CRIM1: variants seen among roughly 807,000 people sequenced by gnomAD.
CRIM1 encodes cysteine-rich motor neuron 1 protein.
CRIM1 carries 32 observed loss-of-function variants against 116.4 expected under a neutral mutation model. The ratio of observed to expected loss-of-function variants is 0.27; its 90% confidence interval spans 0.21 to 0.37. The LOEUF (loss-of-function observed/expected upper bound fraction) is 0.37. Among genes scored for constraint, CRIM1 ranks in the 10% least tolerant of loss-of-function variants. The pLI is 1.00. For missense variants in CRIM1, 1,331 were observed against 1,354.8 expected (o/e 0.98, Z 0.28); for synonymous variants, 590 against 509.2 (o/e 1.16, Z -2.13).
intron 15 of CRIM1, among the ~76,000 whole-genome samples, chr2:36,546,361 A>T (rs1460392427): frequency 6.6e-6 from 1 of 152,166 alleles, no homozygotes; most frequent in East Asian, 1.9e-4. Flanking sequence ...AAATGTAGTC[A>T]CCTATGCGAT....
intron 2 of CRIM1, among the ~76,000 whole-genome samples, chr2:36,420,641 G>T (rs1673984215): frequency 6.6e-6 from 1 of 151,584 alleles, no homozygotes; most frequent in Non-Finnish European, 1.5e-5. Flanking sequence ...AAGTTCAGGA[G>T]GTCTTCATCC....
At chr2:36,486,615 G>T (rs370914655) in intron 7 of CRIM1, among the ~76,000 whole-genome samples, 1 of 152,064 alleles carries the variant, frequency 6.6e-6, no homozygotes, top group Non-Finnish European at 1.5e-5. Context: ...TTGAAGTGGC[G>T]TGCAAGGGGG....
chr2:36,525,562 TC>T (rs1365016850), intron 13 of CRIM1, among the ~76,000 whole-genome samples: 1 of 152,204 alleles, frequency 6.6e-6, no homozygotes, highest in Non-Finnish European at 1.5e-5. Flanking sequence ...CAATTGTTTT[TC>T]CAGTGGGCAC....
chr2:36,446,491 G>T (rs758849181), intron 4 of CRIM1, among the ~76,000 whole-genome samples: 1 of 152,128 alleles, frequency 6.6e-6, no homozygotes, highest in Non-Finnish European at 1.5e-5. Context: ...GTGAGTATAG[G>T]CTCTTCCTTA....
intron 5 of CRIM1, among the ~76,000 whole-genome samples, chr2:36,467,784 A>T (rs914949246): frequency 6.6e-6 from 1 of 152,216 alleles, no homozygotes; most frequent in Admixed American, 6.5e-5. Context: ...CTGGCCATCA[A>T]AGTGAAAAAG....
At chr2:36,522,545 C>T (rs1031358699) in intron 13 of CRIM1, among the ~76,000 whole-genome samples, 1 of 152,004 alleles carries the variant, frequency 6.6e-6, no homozygotes, top group Admixed American at 6.6e-5. Flanking sequence ...CTCACGCCTG[C>T]AATCCCAGCA....
chr2:36,434,816 CCTTT>C (rs1019742841), intron 2 of CRIM1, among the ~76,000 whole-genome samples: 2 of 152,030 alleles, frequency 1.3e-5, no homozygotes, highest in African/African-American at 4.8e-5. Flanking sequence ...AAGAGTAGGC[CCTTT>C]CTTCTTGCTT....
At chr2:36,438,971 A>T (rs1675557954) in intron 2 of CRIM1, among the ~76,000 whole-genome samples, 1 of 152,240 alleles carries the variant, frequency 6.6e-6, no homozygotes, top group African/African-American at 2.4e-5. Context: ...AGCACATGGC[A>T]TGTGTGTTAA....
chr2:36,419,424 T>C (rs1033275924), intron 2 of CRIM1, among the ~76,000 whole-genome samples: 1 of 152,234 alleles, frequency 6.6e-6, no homozygotes, highest in Non-Finnish European at 1.5e-5. Flanking sequence ...TTTGCATCAT[T>C]AACAAGAGCA....
intron 13 of CRIM1, among the ~76,000 whole-genome samples, chr2:36,525,542 T>G (rs558242649): frequency 6.6e-6 from 1 of 152,340 alleles, no homozygotes; most frequent in East Asian, 1.9e-4. Flanking sequence ...GCGGCATGTC[T>G]TAAAGCACCC....
rs72863613 is a variant in CRIM1, at chr2:36,373,947, A to G, written c.331+17324A>G. Among the ~76,000 whole-genome samples the G allele has an allele frequency of 4.8e-3, 738 of 152,248 alleles. 9 individuals are homozygous for G. The highest frequency in any genetic ancestry group is 0.019 in the East Asian group (96 of 5,174). On this transcript the variant is annotated intron_variant, in intron 1 of 16. Coordinates refer to ENST00000280527, the MANE Select transcript of CRIM1 (RefSeq NM_016441.3). Reference sequence around the variant, plus strand: ...AAAAAAAAATCTGCCTCTGGCCATCATTCGTTAATTTACATAGATTAGATA... The same window carrying G: ...AAAAAAAAATCTGCCTCTGGCCATCGTTCGTTAATTTACATAGATTAGATA...
intron 5 of CRIM1, among the ~76,000 whole-genome samples, chr2:36,473,451 ACAATCAGTTT>A (rs1262863452): frequency 6.6e-6 from 1 of 152,162 alleles, no homozygotes; most frequent in Non-Finnish European, 1.5e-5. Context: ...AATCATCAAC[ACAATCAGTTT>A]CAGAACATTT....
chr2:36,510,986 C>T (rs1402898591), intron 9 of CRIM1, among the ~76,000 whole-genome samples: 1 of 148,396 alleles, frequency 6.7e-6, no homozygotes, highest in Non-Finnish European at 1.5e-5. Flanking sequence ...AGTGCAGTGG[C>T]ACAAGCATGG....
At chr2:36,365,736 GT>G (rs756853852) in intron 1 of CRIM1, among the ~76,000 whole-genome samples, 130 of 137,606 alleles carry the variant, frequency 9.4e-4, no homozygotes, top group African/African-American at 1.4e-3. Context: ...CTATGTTTGT[GT>G]TTTTTTTTTT....
chr2:36,394,961 A>G (rs950055645), intron 1 of CRIM1, among the ~76,000 whole-genome samples: 6 of 151,508 alleles, frequency 4.0e-5, no homozygotes, highest in South Asian at 4.2e-4. Context: ...CAATGATGCC[A>G]GCAATAAAAG....
At chr2:36,539,940 A>G (rs1010179810) in intron 14 of CRIM1, among the ~76,000 whole-genome samples, 3 of 152,134 alleles carry the variant, frequency 2.0e-5, no homozygotes. Context: ...AAGCCTTGAG[A>G]CTAGATGAGA....
chr2:36,397,201 A>C (rs1672091576), intron 2 of CRIM1, among the ~76,000 whole-genome samples: 1 of 152,204 alleles, frequency 6.6e-6, no homozygotes, highest in Non-Finnish European at 1.5e-5. Context: ...AAATGGGAGA[A>C]TTATGCAGTG....
At chr2:36,490,857 C>T (rs910522628) in intron 7 of CRIM1, among the ~76,000 whole-genome samples, 1 of 152,224 alleles carries the variant, frequency 6.6e-6, no homozygotes, top group Non-Finnish European at 1.5e-5. Context: ...TAAGTCCCCA[C>T]TGAGTAACTG....
intron 2 of CRIM1, among the ~76,000 whole-genome samples, chr2:36,409,584 C>T (rs1033928654): frequency 6.6e-6 from 1 of 152,146 alleles, no homozygotes; most frequent in Non-Finnish European, 1.5e-5. Context: ...AGATCATAGA[C>T]ACAAGGAGTT....
Sources: gnomAD v4.1 joint callset for allele counts (sites outside exome capture counted in the v4.1 genomes callset) on GRCh38, gnomAD v4.1.1 for gene constraint, MANE v1.5 for transcripts, NCBI Gene and HGNC (gene_info 2026-07-23, HGNC 2026-07-21) for gene names.